Variants in EML6 observed in about 807,000 individuals in gnomAD.
The protein encoded by EML6 is EMAP like 6, also known as echinoderm microtubule-associated protein-like 6.
In EML6, 154 loss-of-function variants were observed where a neutral mutation model predicts 240.1. That is an observed-to-expected ratio of 0.64 (90% CI 0.56 to 0.73). EML6 has a LOEUF of 0.73. EML6 is among the 30% of genes least tolerant of loss of function. The probability of loss-of-function intolerance (pLI) is 0.00; values close to 1 mark genes in which losing one functional copy is unlikely to be tolerated. For synonymous variants in EML6, 1,148 were observed against 899.0 expected, an observed-to-expected ratio of 1.28 and a Z score of -4.95; for missense variants, 2,964 against 2,474.6, an observed-to-expected ratio of 1.20 and a Z score of -4.20.
intron 26 of EML6, among the ~76,000 whole-genome samples, chr2:54,927,790 T>C (rs1674634413): frequency 6.6e-6 from 1 of 152,272 alleles, no homozygotes. Context: ...TGCGTGTTTG[T>C]ATTAAAAATT....
chr2:54,968,064 A>G (rs1676826335), intron 39 of EML6, 64 bp from the exon 40 acceptor site: 2 of 1,475,494 alleles, frequency 1.4e-6, no homozygotes, highest in Admixed American at 3.9e-5. Flanking sequence ...GGAGGTGATG[A>G]CTGACTGCAA....
chr2:54,869,086 T>G, intron 14 of EML6, 95 bp from the exon 15 acceptor site: 1 of 762,736 alleles, frequency 1.3e-6, no homozygotes, highest in Non-Finnish European at 2.1e-6. Context: ...CTTGTACATG[T>G]TCACGTCAAT....
intron 2 of EML6, among the ~76,000 whole-genome samples, chr2:54,779,726 G>A: frequency 6.6e-6 from 1 of 151,594 alleles, no homozygotes. Flanking sequence ...GCGGGGTATG[G>A]TGGTGTGTGC....
At chr2:54,802,462 C>CA (rs1051692027) in intron 2 of EML6, among the ~76,000 whole-genome samples, 2 of 151,570 alleles carry the variant, frequency 1.3e-5, no homozygotes, top group African/African-American at 4.9e-5. Flanking sequence ...CCCATCTCTA[C>CA]AAAAAAATAA....
rs147619191 is a variant in EML6 at position 54,852,081 on chromosome 2, G to A, written c.1445-1562G>A. The stretch of plus-strand genomic sequence containing the variant: ...TCAAGATTTAAGTCTTCAAAGATTT[G>A]AGGATCATAGTCCTTATTTACTTGG... On this transcript the variant is annotated intron_variant, in intron 10 of 41. Transcript: ENST00000356458. Among the ~76,000 whole-genome samples, 257 of 152,316 alleles carry A rather than the reference G, an allele frequency of 1.7e-3. 1 individual carries two copies. The highest frequency in any genetic ancestry group is 6.0e-3 in the African/African-American group (249 of 41,570).
At chr2:54,818,940 C>A (rs1011407629) in intron 4 of EML6, among the ~76,000 whole-genome samples, 3 of 152,088 alleles carry the variant, frequency 2.0e-5, no homozygotes, top group African/African-American at 7.2e-5. Flanking sequence ...AATACTTAAT[C>A]CATTACATTT....
rs58100123 is a variant in EML6 at position 54,969,304 on chromosome 2, A to G, written c.5852+536A>G. Among the ~76,000 whole-genome samples the G allele has an allele frequency of 2.9e-3, 435 of 152,320 alleles. 3 individuals are homozygous for G. The highest frequency in any genetic ancestry group is 0.01 in the African/African-American group (428 of 41,560). Reference sequence around the variant, plus strand: ...TGAATACTGGGTTCTATTCAGCCCAAGCAAAACTCCTGAGGGGATAAAGAT... The same window carrying G: ...TGAATACTGGGTTCTATTCAGCCCAGGCAAAACTCCTGAGGGGATAAAGAT... On this transcript the variant is annotated intron_variant, in intron 41 of 41. Coordinates refer to ENST00000356458, the MANE Select transcript of EML6 (RefSeq NM_001039753.4).
intron 25 of EML6, among the ~76,000 whole-genome samples, chr2:54,914,332 C>G (rs1673796645): frequency 6.6e-6 from 1 of 152,180 alleles, no homozygotes; most frequent in Non-Finnish European, 1.5e-5. Flanking sequence ...TGAAGCCTCT[C>G]AATTTCTCCT....
chr2:54,945,342 C>G (rs1244367864), intron 28 of EML6, among the ~76,000 whole-genome samples: 1 of 141,248 alleles, frequency 7.1e-6, no homozygotes, highest in Non-Finnish European at 1.5e-5. Context: ...CATTCTAAAA[C>G]CATTGGAGCA....
intron 6 of EML6, among the ~76,000 whole-genome samples, chr2:54,828,819 C>T (rs952368222): frequency 2.0e-5 from 3 of 152,208 alleles, no homozygotes; most frequent in African/African-American, 7.2e-5. Flanking sequence ...ATGTGAAAAT[C>T]TTCAAACGAT....
intron 7 of EML6, among the ~76,000 whole-genome samples, chr2:54,837,095 T>C (rs1464102126): frequency 6.6e-6 from 1 of 152,194 alleles, no homozygotes; most frequent in East Asian, 1.9e-4. Flanking sequence ...CCTCTCTCTC[T>C]TGTTCTTATT....
chr2:54,888,737 T>G (rs191382507), intron 17 of EML6, among the ~76,000 whole-genome samples: 203 of 152,372 alleles, frequency 1.3e-3, no homozygotes, highest in Admixed American at 5.8e-3. Context: ...ATTGTCTGGA[T>G]GTACCACAGT....
Position 54,964,562 on chromosome 2 carries a change from T to C in EML6, c.5331-9T>C, listed in dbSNP as rs767185577. 15 of 1,551,902 alleles carry C rather than the reference T, an allele frequency of 9.7e-6. No homozygotes were observed. In the African/African-American group the frequency reaches 2.1e-4, roughly 21 times the overall value. On this transcript the variant is annotated splice_polypyrimidine_tract_variant and intron_variant, in intron 37 of 41. Transcript: ENST00000356458. ...CTCATGGACTCTGCTCTCGGATTGC[T>C]TTTTCTAGAATCAGCCCAGACAACC...
In EML6 at chr2:54,798,536, C is replaced by T. The variant is rs140375206; in HGVS notation, c.198-14696C>T. On this transcript the variant is annotated intron_variant, in intron 2 of 41. Coordinates refer to ENST00000356458, the MANE Select transcript of EML6 (RefSeq NM_001039753.4). ...TTGTTAAACTTAAGATCTTAAGTAC[C>T]TTATGTTTTTTGATGCTATTATAAG... 4.1e-3 allele frequency among the ~76,000 whole-genome samples: 631 copies of T among 152,168 alleles called. 4 individuals carry two copies. The highest frequency in any genetic ancestry group is 6.8e-3 in the Non-Finnish European group (460 of 67,992).
chr2:54,799,810 T>C (rs1341316204), intron 2 of EML6, among the ~76,000 whole-genome samples: 1 of 152,168 alleles, frequency 6.6e-6, no homozygotes, highest in Admixed American at 6.5e-5. Context: ...TAGCTCCAAG[T>C]TTTCAGAAGC....
intron 35 of EML6, among the ~76,000 whole-genome samples, chr2:54,960,837 GAT>G (rs1387632554): frequency 3.9e-5 from 6 of 152,106 alleles, no homozygotes; most frequent in African/African-American, 1.4e-4. Context: ...AAAGAATATG[GAT>G]GTCCGGGCAC....
intron 2 of EML6, among the ~76,000 whole-genome samples, chr2:54,727,957 A>T (rs1369498988): frequency 6.6e-6 from 1 of 152,206 alleles, no homozygotes; most frequent in African/African-American, 2.4e-5. Context: ...GGCTCAGCAT[A>T]TGTGTCCTTC....
chr2:54,847,853 G>A (rs1669854294), intron 9 of EML6, among the ~76,000 whole-genome samples: 1 of 152,128 alleles, frequency 6.6e-6, no homozygotes, highest in Non-Finnish European at 1.5e-5. Flanking sequence ...CTGATGTGAG[G>A]CTGTTTATAA....
Position 54,912,668 on chromosome 2 carries a change from T to G in EML6, c.3498+1626T>G, listed in dbSNP as rs192511307. Among the ~76,000 whole-genome samples, 577 of 152,320 alleles carry G rather than the reference T, an allele frequency of 3.8e-3. 4 individuals are homozygous for G. Among genetic ancestry groups the G allele is most frequent in the African/African-American group, 0.013 (560 of 41,566 alleles). ...CGTGAGAACATGTGGTATTTGGTAT[T>G]CTGTTCCTGCGTTAATTCTCTTAAT... On this transcript the variant is annotated intron_variant, in intron 25 of 41. Coordinates refer to ENST00000356458, the MANE Select transcript of EML6 (RefSeq NM_001039753.4).
Sources: gnomAD v4.1 joint callset for allele counts (sites outside exome capture counted in the v4.1 genomes callset) on GRCh38, gnomAD v4.1.1 for gene constraint, MANE v1.5 for transcripts, NCBI Gene and HGNC (gene_info 2026-07-23, HGNC 2026-07-21) for gene names.